Variants in FBXO4 observed in about 807,000 individuals in gnomAD.
FBXO4 encodes the protein F-box only protein 4.
FBXO4 carries 36 observed loss-of-function variants against 43.7 expected under a neutral mutation model. The ratio of observed to expected loss-of-function variants is 0.82; its 90% CI spans 0.63 to 1.09. The LOEUF is 1.09. FBXO4 is among the 50% of genes least tolerant of loss of function. FBXO4 has a pLI of 0.00. For synonymous variants in FBXO4, 180 were observed against 165.6 expected, an observed-to-expected ratio of 1.09 and a Z score of -0.67; for missense variants, 435 against 474.1, an observed-to-expected ratio of 0.92 and a Z score of 0.77.
chr5:42,018,019 G>C, the FBXO4 span, among the ~76,000 whole-genome samples: 5 of 151,448 alleles, frequency 3.3e-5, no homozygotes, highest in East Asian at 7.7e-4. Flanking sequence ...AAGAATTGAT[G>C]GCAAAAATTG....
intron 5 of FBXO4, chr5:41,934,971 CTGGTT>C (rs1190379752): frequency 1.0e-6 from 1 of 982,112 alleles, no homozygotes; most frequent in Admixed American, 6.2e-5. Context: ...CTCTAATACA[CTGGTT>C]TGAATTTCTA....
chr5:42,039,840 A>G, the FBXO4 span, among the ~76,000 whole-genome samples: 9 of 152,144 alleles, frequency 5.9e-5, no homozygotes, highest in Non-Finnish European at 1.2e-4. Context: ...CAGGTGACTC[A>G]TTTAAAAGAA....
the FBXO4 span, among the ~76,000 whole-genome samples, chr5:42,008,627 G>A: frequency 1.3e-5 from 2 of 151,984 alleles, no homozygotes; most frequent in Non-Finnish European, 2.9e-5. Context: ...CTTTGTGTGT[G>A]GGGGAATCTC....
At chr5:41,936,304 G>A (rs1211253191) in intron 5 of FBXO4, among the ~76,000 whole-genome samples, 5 of 152,118 alleles carry the variant, frequency 3.3e-5, no homozygotes, top group Non-Finnish European at 5.9e-5. Context: ...AGGCCAAGGC[G>A]GGCAGATTGC....
At chr5:41,970,585 A>T in the FBXO4 span, among the ~76,000 whole-genome samples, 1 of 151,748 alleles carries the variant, frequency 6.6e-6, no homozygotes, top group Non-Finnish European at 1.5e-5. Context: ...AAAAAAAAAA[A>T]CCCTAATAGA....
the FBXO4 span, among the ~76,000 whole-genome samples, chr5:41,958,200 T>C: frequency 6.7e-6 from 1 of 148,360 alleles, no homozygotes; most frequent in African/African-American, 2.5e-5. Flanking sequence ...AGTGGCGCAA[T>C]CTCAGCTCAC....
the FBXO4 span, among the ~76,000 whole-genome samples, chr5:42,029,944 A>G: frequency 6.6e-6 from 1 of 152,098 alleles, no homozygotes; most frequent in African/African-American, 2.4e-5. Flanking sequence ...CCACTGCTCA[A>G]TGAAACAAAA....
chr5:42,003,618 C>T, the FBXO4 span, among the ~76,000 whole-genome samples: 1 of 151,748 alleles, frequency 6.6e-6, no homozygotes, highest in Non-Finnish European at 1.5e-5. Flanking sequence ...GTGGTGCACC[C>T]ATTAATTCTT....
chr5:41,974,561 A>G, the FBXO4 span, among the ~76,000 whole-genome samples: 1 of 152,166 alleles, frequency 6.6e-6, no homozygotes, highest in Non-Finnish European at 1.5e-5. Flanking sequence ...AGTTGAAGGC[A>G]TGCTTTGTCA....
downstream of FBXO4, among the ~76,000 whole-genome samples, chr5:41,946,310 T>G (rs1752077153): frequency 1.3e-5 from 2 of 152,218 alleles, no homozygotes; most frequent in South Asian, 4.1e-4. Flanking sequence ...AGAATTGTGT[T>G]TATAATGTGG....
At chr5:42,035,944 G>A in the FBXO4 span, among the ~76,000 whole-genome samples, 1 of 152,176 alleles carries the variant, frequency 6.6e-6, no homozygotes, top group Non-Finnish European at 1.5e-5. Flanking sequence ...ACCCTGCCTT[G>A]ATTTGTGGTA....
At chr5:41,933,382 T>C (rs987188675) in intron 3 of FBXO4, among the ~76,000 whole-genome samples, 6 of 151,968 alleles carry the variant, frequency 3.9e-5, no homozygotes, top group Admixed American at 1.3e-4. Context: ...GCCTGGATAA[T>C]TGTTTTGTAT....
At chr5:41,962,735 C>T in the FBXO4 span, among the ~76,000 whole-genome samples, 1 of 152,142 alleles carries the variant, frequency 6.6e-6, no homozygotes, top group Non-Finnish European at 1.5e-5. Flanking sequence ...ATTCCTACCC[C>T]GGCCCAATAT....
rs1254451061 is a variant in FBXO4 at position 41,925,342 on chromosome 5, C to G, written c.33C>G (p.Asn11Lys). MAGSEPRSGT[N>K]SPPPPFSDWG... is the part of the protein sequence containing the mutation. ...GAAGCGAGCCGCGCAGCGGAACAAA[C>G]TCGCCGCCGCCGCCCTTCAGCGACT... Residue 11 changes from asparagine to lysine, a missense_variant, in exon 1 of 7, where the codon AAC becomes AAG. Transcript: ENST00000281623. 9 of 1,366,452 alleles carry G rather than the reference C, an allele frequency of 6.6e-6. No homozygotes were observed. The highest frequency in any genetic ancestry group is 8.5e-6 in the Non-Finnish European group (9 of 1,056,040). The allele number at this position is 1,366,452 out of a possible 1,614,324, so 84.6% of individuals were successfully genotyped here.
the FBXO4 span, among the ~76,000 whole-genome samples, chr5:41,999,054 C>G: frequency 6.7e-6 from 1 of 149,488 alleles, no homozygotes; most frequent in East Asian, 2.0e-4. Context: ...CACACATGGT[C>G]CATATATGGA....
the FBXO4 span, among the ~76,000 whole-genome samples, chr5:41,954,947 T>C: frequency 1.3e-5 from 2 of 152,224 alleles, no homozygotes; most frequent in East Asian, 3.8e-4. Context: ...TTAGAAAAAC[T>C]ATAATTCAAA....
chr5:42,033,551 C>A, the FBXO4 span, among the ~76,000 whole-genome samples: 1 of 152,094 alleles, frequency 6.6e-6, no homozygotes, highest in Non-Finnish European at 1.5e-5. Flanking sequence ...CCTCGCCTCC[C>A]ACCCCTCAAC....
the FBXO4 span, among the ~76,000 whole-genome samples, chr5:42,005,147 A>G: frequency 3.9e-5 from 6 of 152,316 alleles, no homozygotes; most frequent in South Asian, 1.2e-3. Context: ...AAGGCAAAGT[A>G]GAGAAGAGAA....
At position 41,934,572 on chromosome 5, in the gene FBXO4, C is replaced by A. The variant is rs184735051; in HGVS notation, c.898+264C>A. 3.8e-5 allele frequency: 50 copies of A among 1,330,494 alleles called. No individual in the cohort carries two copies. In the Admixed American group the frequency reaches 1.2e-3, roughly 31 times the overall value. The allele number at this position is 1,330,494 out of a possible 1,614,324, so 82.4% of individuals were successfully genotyped here. The stretch of plus-strand genomic sequence containing the variant: ...TTGGGTTGTGTGAATCAGATTTGGG[C>A]ATCTGTTTTTTCCAAGCACCCAGGG... On this transcript the variant is annotated intron_variant, in intron 5 of 6. Transcript: ENST00000281623.
Sources: allele counts gnomAD v4.1 joint callset (sites outside exome capture counted in the v4.1 genomes callset), GRCh38; gene constraint gnomAD v4.1.1; transcripts MANE v1.5; gene names NCBI Gene and HGNC (gene_info 2026-07-23, HGNC 2026-07-21).